Variants in ITGAM observed in about 807,000 individuals in gnomAD.
The protein encoded by ITGAM is integrin alpha-M.
A neutral mutation model predicts 137.5 loss-of-function variants in ITGAM; 79 were observed. That is an observed-to-expected ratio of 0.57 (90% CI 0.48 to 0.69). ITGAM has a LOEUF of 0.69. Among genes scored for constraint, ITGAM ranks in the 30% least tolerant of loss-of-function variants. ITGAM has a pLI of 0.00. For missense variants in ITGAM, 1,343 were observed against 1,483.5 expected, an observed-to-expected ratio of 0.91 and a Z score of 1.56; for synonymous variants, 583 against 592.3, an observed-to-expected ratio of 0.98 and a Z score of 0.23.
chr16:31,331,681 G>T lies in ITGAM; in HGVS notation c.3433G>T (p.Gly1145Cys). 1 of 1,609,302 alleles carries T rather than the reference G, an allele frequency of 6.2e-7. No individual in the cohort carries two copies. The highest frequency in any genetic ancestry group is 8.5e-7 in the Non-Finnish European group (1 of 1,178,160). The change falls in exon 30 of 30, where the codon GGT becomes TGT. Residue 1145 changes from glycine (G) to cysteine (C), a missense_variant. By Grantham distance (159) the Gly-to-Cys change is radical. Coordinates refer to ENST00000544665, the MANE Select transcript of ITGAM (RefSeq NM_000632.4). The part of the protein sequence containing the change: ...RQYKDMMSEG[G>C]PPGAEPQ The stretch of plus-strand genomic sequence containing the variant: ...ATACAAGGACATGATGAGTGAAGGG[G>T]GTCCCCCGGGGGCCGAACCCCAGTA...
At position 31,260,044 on chromosome 16, in the gene ITGAM, A is replaced by C; in HGVS notation, c.-21A>C. ...TGCAACCCCTGGTTCACCTCCTTCCAGGTTCTGGCTCCTTCCAGCCATGGC... is the reference window on the plus strand; with the variant it reads ...TGCAACCCCTGGTTCACCTCCTTCCCGGTTCTGGCTCCTTCCAGCCATGGC... On this transcript the variant is annotated 5_prime_UTR_variant, in exon 1 of 30. Transcript: ENST00000544665. 1 of 1,356,168 alleles carries C rather than the reference A, an allele frequency of 7.4e-7. No homozygotes were observed. The highest frequency in any genetic ancestry group is 9.7e-7 in the Non-Finnish European group (1 of 1,030,756). The allele number at this position is 1,356,168 out of a possible 1,614,324, so 84.0% of individuals were successfully genotyped here. A position where few individuals can be genotyped will look rare whatever the true frequency, so the allele number is the denominator to read the frequency against.
intron 24 of ITGAM, 43 bp downstream of exon 24, chr16:31,329,346 A>G (rs1403348630): frequency 7.3e-7 from 1 of 1,368,912 alleles, no homozygotes; most frequent in Admixed American, 1.8e-5. Flanking sequence ...GAGGCTGGGG[A>G]GGAAAATCGA....
intron 2 of ITGAM, among the ~76,000 whole-genome samples, 180 bp downstream of exon 2, chr16:31,261,977 T>TA (rs2079704658): frequency 6.6e-6 from 1 of 152,080 alleles, no homozygotes. Context: ...GGTGTAAGAG[T>TA]AAAAATCTCT....
chr16:31,269,581 G>A (rs561573295), intron 5 of ITGAM, among the ~76,000 whole-genome samples: 2 of 152,256 alleles, frequency 1.3e-5, no homozygotes, highest in Admixed American at 1.3e-4. Flanking sequence ...TTTTGCAAAG[G>A]CGGTTTCAGT....
intron 24 of ITGAM, among the ~76,000 whole-genome samples, chr16:31,329,573 G>T (rs1195271106): frequency 1.3e-5 from 2 of 152,190 alleles, no homozygotes; most frequent in African/African-American, 2.4e-5. Context: ...GCTCAGAGAG[G>T]TTTACAGAAC....
chr16:31,302,392 TTTC>T (rs1396088477), intron 14 of ITGAM, among the ~76,000 whole-genome samples: 2 of 144,218 alleles, frequency 1.4e-5, no homozygotes, highest in African/African-American at 5.4e-5. Flanking sequence ...TCTTTTCTTT[TTTC>T]TTTTCTTTTC....
At chr16:31,328,366 G>A in intron 23 of ITGAM, 136 bp downstream of exon 23, 1 of 713,046 alleles carries the variant, frequency 1.4e-6, no homozygotes, top group South Asian at 1.6e-5. Context: ...GTGTGCATGG[G>A]TGTGTATTTG....
chr16:31,273,264 C>A, intron 7 of ITGAM, 101 bp from the exon 8 acceptor site: 1 of 1,060,132 alleles, frequency 9.4e-7, no homozygotes. Context: ...TCTCTGCACT[C>A]CAGCCTGGAT....
intron 5 of ITGAM, among the ~76,000 whole-genome samples, chr16:31,269,116 C>T (rs1304852285): frequency 6.6e-6 from 1 of 152,102 alleles, no homozygotes; most frequent in Non-Finnish European, 1.5e-5. Context: ...GCTGATTGAT[C>T]AGGGATGAAA....
chr16:31,288,609 A>C (rs1390593389), intron 12 of ITGAM, among the ~76,000 whole-genome samples: 1 of 152,012 alleles, frequency 6.6e-6, no homozygotes, highest in Non-Finnish European at 1.5e-5. Context: ...AAATTAATTC[A>C]AGATGGATTA....
At chr16:31,262,082 A>G (rs970869466) in intron 2 of ITGAM, among the ~76,000 whole-genome samples, 1 of 152,098 alleles carries the variant, frequency 6.6e-6, no homozygotes, top group Non-Finnish European at 1.5e-5. Context: ...TGCATAACAC[A>G]TACACGTTCC....
Position 31,275,620 on chromosome 16 carries a change from T to C in ITGAM, c.930T>C (p.Asp310=), listed in dbSNP as rs1424853732. 1.9e-6 allele frequency: 3 copies of C among 1,613,954 alleles called. No individual in the cohort carries two copies. Among genetic ancestry groups the C allele is most frequent in the South Asian group, 1.1e-5 (1 of 91,084 alleles). The change falls in exon 9 of 30, where the codon GAT becomes GAC. Residue 310 remains aspartate, a synonymous_variant. Transcript: ENST00000544665. ...LNTIASKPPR[D]HVFQVNNFEA... is the part of the protein sequence containing the mutation. The stretch of plus-strand genomic sequence containing the variant: ...CCATCGCATCCAAGCCGCCTCGTGA[T>C]CACGTGTTCCAGGTGAATAACTTTG...
chr16:31,326,738 A>C, intron 21 of ITGAM, 118 bp from the exon 22 acceptor site: 1 of 746,488 alleles, frequency 1.3e-6, no homozygotes, highest in Non-Finnish European at 2.3e-6. Flanking sequence ...TTATTTGGTG[A>C]ACAATATCCT....
chr16:31,313,228 T>A (rs897641571), intron 14 of ITGAM, among the ~76,000 whole-genome samples: 1 of 151,948 alleles, frequency 6.6e-6, no homozygotes, highest in Non-Finnish European at 1.5e-5. Context: ...AAAAAAAAAA[T>A]TATACGTTAA....
intron 19 of ITGAM, 116 bp downstream of exon 19, chr16:31,325,147 G>A (rs2080493825): frequency 6.8e-7 from 1 of 1,469,326 alleles, no homozygotes. Flanking sequence ...GTCCGGTGTG[G>A]CTGCCCCTCC....
Position 31,278,110 on chromosome 16 carries a change from G to A in ITGAM, c.1356+1G>A, listed in dbSNP as rs777435646. 1.9e-6 allele frequency: 3 copies of A among 1,605,708 alleles called. No individual in the cohort carries two copies. The highest frequency in any genetic ancestry group is 4.5e-5 in the East Asian group (2 of 44,616). The stretch of plus-strand genomic sequence containing the variant: ...CAACGCTAATGTCAAGGGCACCCAG[G>A]TGAGTGCGGTTTGTGGAGCATGAAT... On this transcript the variant is annotated splice_donor_variant, in intron 12 of 29. Coordinates refer to ENST00000544665, the MANE Select transcript of ITGAM (RefSeq NM_000632.4). LOFTEE classifies it high-confidence loss of function.
intron 23 of ITGAM, among the ~76,000 whole-genome samples, chr16:31,328,695 CAT>C (rs1491153111): frequency 1.2e-4 from 17 of 146,536 alleles, no homozygotes; most frequent in Admixed American, 1.1e-3. Flanking sequence ...TGTATTTGTG[CAT>C]GTGTGTGTAT....
rs2080446214 is a variant in ITGAM, at chr16:31,321,252, C to T, written c.1719C>T (p.Gly573=). Reference sequence around the variant, plus strand: ...TTTTTTACCCTCAGCGGATAGCAGGCTCCAAGCTCTCTCCCAGGCTCCAGT... The same window carrying T: ...TTTTTTACCCTCAGCGGATAGCAGGTTCCAAGCTCTCTCCCAGGCTCCAGT... ...ISPSHSQRIA[G]SKLSPRLQYF... The change falls in exon 15 of 30, where the codon GGC becomes GGT. Residue 573 remains glycine, a synonymous_variant. Coordinates refer to ENST00000544665, the MANE Select transcript of ITGAM (RefSeq NM_000632.4). 2 of 1,613,936 alleles carry T rather than the reference C, an allele frequency of 1.2e-6. No homozygotes were observed. The highest frequency in any genetic ancestry group is 1.3e-5 in the African/African-American group (1 of 75,042).
chr16:31,316,727 C>A (rs1341776484), intron 14 of ITGAM, among the ~76,000 whole-genome samples: 2 of 152,136 alleles, frequency 1.3e-5, no homozygotes, highest in Non-Finnish European at 2.9e-5. Context: ...TAAAAATATT[C>A]TTTCAATCCA....
Sources: allele counts gnomAD v4.1 joint callset (sites outside exome capture counted in the v4.1 genomes callset), GRCh38; gene constraint gnomAD v4.1.1; transcripts MANE v1.5; gene names NCBI Gene and HGNC (gene_info 2026-07-23, HGNC 2026-07-21).